Variants in TTC28 observed in about 807,000 individuals in gnomAD.
TTC28 encodes tetratricopeptide repeat domain 28.
Under a neutral mutation model 198.0 loss-of-function variants are expected in TTC28, and 61 were observed. That is an observed-to-expected ratio of 0.31 (90% CI 0.25 to 0.38). The LOEUF is 0.38. Ranked by LOEUF, TTC28 falls within the 10% of genes least tolerant of loss-of-function variation. The pLI, the probability that TTC28 is intolerant of heterozygous loss-of-function variation, is 1.00. For synonymous variants in TTC28, 1,171 were observed against 1,297.8 expected, an observed-to-expected ratio of 0.90 and a Z score of 2.10; for missense variants, 2,678 against 3,164.0, an observed-to-expected ratio of 0.85 and a Z score of 3.69.
intron 2 of TTC28, among the ~76,000 whole-genome samples, chr22:28,420,356 A>C (rs895862301): frequency 6.6e-6 from 1 of 152,166 alleles, no homozygotes; most frequent in African/African-American, 2.4e-5. Flanking sequence ...CTTTAATACC[A>C]ATGAAAAATT....
At chr22:27,985,160 C>G (rs1937167829) in intron 22 of TTC28, 89 bp downstream of exon 22, 1 of 964,310 alleles carries the variant, frequency 1.0e-6, no homozygotes, top group African/African-American at 1.7e-5. Flanking sequence ...CACTTTTCTT[C>G]TGCTTCCCAA....
At chr22:28,296,431 G>T in intron 4 of TTC28, 103 bp from the exon 5 acceptor site, 3 of 1,047,704 alleles carry the variant, frequency 2.9e-6, no homozygotes, top group Non-Finnish European at 3.8e-6. Context: ...AGATTTATTA[G>T]CTAAGATTTC....
chr22:28,047,231 C>T (rs898211683), intron 12 of TTC28, among the ~76,000 whole-genome samples: 9 of 152,212 alleles, frequency 5.9e-5, no homozygotes, highest in Non-Finnish European at 1.5e-5. Context: ...AGGGGAGAGA[C>T]ATGCAGAACT....
intron 5 of TTC28, among the ~76,000 whole-genome samples, chr22:28,210,166 T>C (rs887742860): frequency 6.6e-6 from 1 of 152,042 alleles, no homozygotes; most frequent in Non-Finnish European, 1.5e-5. Context: ...CAAAGGTAGA[T>C]AAAACCACAA....
intron 5 of TTC28, among the ~76,000 whole-genome samples, chr22:28,192,039 C>T (rs962399607): frequency 3.9e-5 from 6 of 152,208 alleles, no homozygotes; most frequent in African/African-American, 1.4e-4. Flanking sequence ...AGGCACCCCC[C>T]AGTAGGGGCA....
chr22:28,362,915 C>A (rs2046181023), intron 2 of TTC28, among the ~76,000 whole-genome samples: 1 of 151,988 alleles, frequency 6.6e-6, no homozygotes, highest in Non-Finnish European at 1.5e-5. Context: ...ATAAGGGAAG[C>A]AGAACATAAA....
intron 2 of TTC28, among the ~76,000 whole-genome samples, chr22:28,450,779 A>G (rs2047767321): frequency 6.6e-6 from 1 of 152,206 alleles, no homozygotes; most frequent in Admixed American, 6.5e-5. Context: ...CTTTCCTAAC[A>G]TAACTAAAAA....
chr22:28,471,849 C>T (rs969005351), intron 2 of TTC28, among the ~76,000 whole-genome samples: 1 of 151,956 alleles, frequency 6.6e-6, no homozygotes, highest in African/African-American at 2.4e-5. Context: ...AGCTCTTTTG[C>T]GAGGGTAAAA....
intron 2 of TTC28, among the ~76,000 whole-genome samples, chr22:28,527,151 T>C (rs946295742): frequency 3.9e-5 from 6 of 152,126 alleles, no homozygotes; most frequent in East Asian, 3.9e-4. Flanking sequence ...TGAGAACATA[T>C]AGTCTATCAG....
chr22:28,094,920 C>T (rs930428861), intron 11 of TTC28, among the ~76,000 whole-genome samples: 1 of 152,060 alleles, frequency 6.6e-6, no homozygotes, highest in African/African-American at 2.4e-5. Context: ...ATTGGATTAG[C>T]GCCCCCAGTG....
intron 13 of TTC28, 132 bp from the exon 14 acceptor site, chr22:28,014,524 C>T: frequency 9.8e-7 from 1 of 1,018,490 alleles, no homozygotes; most frequent in Non-Finnish European, 1.4e-6. Context: ...CAGCCTCCCT[C>T]CCAGCTCCGT....
intron 5 of TTC28, among the ~76,000 whole-genome samples, chr22:28,169,658 C>G (rs888198670): frequency 6.6e-6 from 1 of 151,932 alleles, no homozygotes; most frequent in Non-Finnish European, 1.5e-5. Flanking sequence ...CATCACACAC[C>G]AGGGACTGTT....
intron 2 of TTC28, among the ~76,000 whole-genome samples, chr22:28,361,838 C>T (rs1362913638): frequency 1.3e-5 from 2 of 152,092 alleles, no homozygotes; most frequent in Non-Finnish European, 2.9e-5. Context: ...AATCCTAGGG[C>T]CTTTAAGAAT....
intron 2 of TTC28, among the ~76,000 whole-genome samples, chr22:28,474,179 G>A (rs1433533785): frequency 2.6e-5 from 4 of 152,138 alleles, no homozygotes; most frequent in African/African-American, 9.7e-5. Flanking sequence ...CAGGAGAAGA[G>A]GCAAAGACAG....
chr22:28,307,555 T>C (rs1019010977), intron 2 of TTC28, among the ~76,000 whole-genome samples: 1 of 152,062 alleles, frequency 6.6e-6, no homozygotes, highest in Non-Finnish European at 1.5e-5. Context: ...TGAGATTACA[T>C]GCATAAGCCA....
intron 2 of TTC28, among the ~76,000 whole-genome samples, chr22:28,429,293 T>A (rs1466748560): frequency 6.6e-6 from 1 of 152,166 alleles, no homozygotes; most frequent in Non-Finnish European, 1.5e-5. Context: ...GAAGCATGGC[T>A]TCTGATCGCT....
intron 2 of TTC28, among the ~76,000 whole-genome samples, chr22:28,532,955 G>A (rs2049173868): frequency 6.6e-6 from 1 of 152,162 alleles, no homozygotes; most frequent in African/African-American, 2.4e-5. Flanking sequence ...ATGTCATACT[G>A]AATGGGCAAA....
chr22:28,575,746 T>C (rs869287334), intron 2 of TTC28, among the ~76,000 whole-genome samples: 1 of 152,178 alleles, frequency 6.6e-6, no homozygotes, highest in Non-Finnish European at 1.5e-5. Context: ...AGTTTATTCC[T>C]AGGTATATTA....
At chr22:28,066,439 A>G (rs1010227100) in intron 12 of TTC28, among the ~76,000 whole-genome samples, 11 of 152,110 alleles carry the variant, frequency 7.2e-5, no homozygotes, top group African/African-American at 2.7e-4. Context: ...AGACTCACTC[A>G]TCCTACATAA....
Sources: gnomAD v4.1 joint callset for allele counts (sites outside exome capture counted in the v4.1 genomes callset) on GRCh38, gnomAD v4.1.1 for gene constraint, MANE v1.5 for transcripts, NCBI Gene and HGNC (gene_info 2026-07-23, HGNC 2026-07-21) for gene names.